The following EPB41L3 variants were observed in gnomAD, a reference collection of about 807,000 sequenced individuals.
The protein encoded by EPB41L3 is erythrocyte membrane protein band 4.1 like 3, also known as band 4.1-like protein 3.
EPB41L3 carries 57 observed loss-of-function variants against 127.1 expected under a neutral mutation model. The ratio of observed to expected loss-of-function variants is 0.45; its 90% CI spans 0.36 to 0.56. The LOEUF is 0.56. EPB41L3 is among the 20% of genes least tolerant of loss of function. The probability of loss-of-function intolerance (pLI) is 0.00; values close to 1 mark genes in which losing one functional copy is unlikely to be tolerated. For synonymous variants in EPB41L3, 572 were observed against 549.5 expected (o/e 1.04, Z -0.57); for missense variants, 1,273 against 1,372.2 (o/e 0.93, Z 1.14).
chr18:5,424,234 G>A, intron 10 of EPB41L3, 28 bp downstream of exon 10: 1 of 1,473,260 alleles, frequency 6.8e-7, no homozygotes, highest in Non-Finnish European at 9.2e-7. Flanking sequence ...TTATTCCTTA[G>A]GGAAAAAACA....
chr18:5,457,215 A>G (rs1019896544), intron 3 of EPB41L3, among the ~76,000 whole-genome samples: 8 of 138,790 alleles, frequency 5.8e-5, no homozygotes, highest in African/African-American at 2.0e-4. Flanking sequence ...GGAAAATCGC[A>G]AACATTCTAT....
At chr18:5,553,450 T>A (rs1374283075) in intron 3 of EPB41L3, among the ~76,000 whole-genome samples, 4 of 152,216 alleles carry the variant, frequency 2.6e-5, no homozygotes, top group African/African-American at 2.4e-5. Context: ...TTAACCATGA[T>A]GCTAAACTGC....
intron 2 of EPB41L3, among the ~76,000 whole-genome samples, chr18:5,614,032 C>T (rs8082912): frequency 0.092 from 14,032 of 152,144 alleles, 829 homozygotes; most frequent in South Asian, 0.26. Context: ...CAGTTGAGAA[C>T]TAATAATCTA....
intron 3 of EPB41L3, among the ~76,000 whole-genome samples, chr18:5,576,495 G>C (rs910771492): frequency 2.6e-5 from 4 of 152,256 alleles, no homozygotes; most frequent in East Asian, 1.9e-4. Context: ...TTCAACAAAA[G>C]AGCCTAATGA....
At chr18:5,497,604 G>A (rs750815964) in intron 1 of EPB41L3, among the ~76,000 whole-genome samples, 9 of 152,130 alleles carry the variant, frequency 5.9e-5, no homozygotes, top group Non-Finnish European at 1.0e-4. Context: ...ACAAACAAGC[G>A]TCAAGTTTCA....
intron 6 of EPB41L3, among the ~76,000 whole-genome samples, chr18:5,437,699 G>A (rs913294407): frequency 2.6e-5 from 4 of 152,172 alleles, no homozygotes; most frequent in African/African-American, 9.7e-5. Context: ...TTTACTCTAA[G>A]TATTAAAGCA....
At chr18:5,430,555 ATCTTTTTTTTTT>A (rs2078854378) in intron 8 of EPB41L3, among the ~76,000 whole-genome samples, 1 of 149,084 alleles carries the variant, frequency 6.7e-6, no homozygotes, top group Admixed American at 6.8e-5. Context: ...AGTTTGAGAA[ATCTTTTTTTTTT>A]TCTTTTTTTT....
intron 3 of EPB41L3, among the ~76,000 whole-genome samples, chr18:5,474,002 C>T (rs563552659): frequency 2.4e-4 from 37 of 152,120 alleles, no homozygotes; most frequent in Non-Finnish European, 4.1e-4. Context: ...GAGGCCGAGA[C>T]GGGTGGATCA....
chr18:5,416,635 G>T (rs2076861372), intron 12 of EPB41L3, among the ~76,000 whole-genome samples: 1 of 152,070 alleles, frequency 6.6e-6, no homozygotes, highest in Non-Finnish European at 1.5e-5. Context: ...AGGTATTTGT[G>T]GGCAATCCCA....
intron 3 of EPB41L3, among the ~76,000 whole-genome samples, chr18:5,461,463 C>T (rs1180255594): frequency 1.3e-5 from 2 of 152,186 alleles, no homozygotes; most frequent in African/African-American, 4.8e-5. Flanking sequence ...TCCAAATGTA[C>T]ATACATGTTA....
At position 5,534,495 on chromosome 18, in the gene EPB41L3, T is replaced by C. The variant is rs116030836; in HGVS notation, c.-12+9418A>G. 4.0e-3 allele frequency among the ~76,000 whole-genome samples: 610 copies of C among 152,332 alleles called. 8 individuals are homozygous for C. The highest frequency in any genetic ancestry group is 0.014 in the African/African-American group (573 of 41,574). On this transcript the variant is annotated intron_variant, in intron 1 of 22. Coordinates refer to ENST00000341928, the MANE Select transcript of EPB41L3 (RefSeq NM_012307.5). ...TTGGTCCCCAAAAATTCCTTTTTAA[T>C]AAACTCATCAGGTAATTCTGTTGTA...
intron 1 of EPB41L3, among the ~76,000 whole-genome samples, chr18:5,501,214 T>C (rs928220844): frequency 2.6e-5 from 4 of 152,212 alleles, no homozygotes; most frequent in African/African-American, 2.4e-5. Context: ...ATTGTTTCTA[T>C]TTAATACTTA....
chr18:5,488,378 C>T (rs982395473), intron 2 of EPB41L3, among the ~76,000 whole-genome samples: 12 of 150,566 alleles, frequency 8.0e-5, no homozygotes, highest in African/African-American at 1.7e-4. Context: ...AACACATGGA[C>T]GTAGGGAGGG....
chr18:5,405,161 C>T (rs1235128748), intron 16 of EPB41L3, among the ~76,000 whole-genome samples: 1 of 152,128 alleles, frequency 6.6e-6, no homozygotes, highest in East Asian at 1.9e-4. Flanking sequence ...TGATAAACAG[C>T]TTTCAAAGGT....
chr18:5,433,772 T>C (rs1279590041), intron 7 of EPB41L3, 131 bp downstream of exon 7: 1 of 1,049,288 alleles, frequency 9.5e-7, no homozygotes, highest in South Asian at 1.5e-5. Flanking sequence ...AGAATTTTAC[T>C]GTGCATGGAC....
intron 3 of EPB41L3, among the ~76,000 whole-genome samples, chr18:5,578,232 G>A (rs948257147): frequency 6.6e-6 from 1 of 152,122 alleles, no homozygotes; most frequent in Non-Finnish European, 1.5e-5. Flanking sequence ...AGTCAACTCA[G>A]TGAACATTGT....
intron 3 of EPB41L3, among the ~76,000 whole-genome samples, chr18:5,566,752 CT>C (rs2094207320): frequency 7.3e-6 from 1 of 137,784 alleles, no homozygotes; most frequent in East Asian, 2.3e-4. Flanking sequence ...CTATTCTATT[CT>C]ATTCTATTCT....
At chr18:5,439,483 G>A (rs1434209307) in intron 5 of EPB41L3, among the ~76,000 whole-genome samples, 2 of 152,126 alleles carry the variant, frequency 1.3e-5, no homozygotes, top group Admixed American at 6.5e-5. Context: ...GTCATAAATG[G>A]CATAGATCCA....
At chr18:5,609,789 G>C (rs757839466) in intron 3 of EPB41L3, among the ~76,000 whole-genome samples, 2 of 126,292 alleles carry the variant, frequency 1.6e-5, no homozygotes, top group African/African-American at 5.1e-5. Flanking sequence ...AAGAGTCTTA[G>C]AAAACACAGT....
Sources: gnomAD v4.1 joint callset for allele counts (sites outside exome capture counted in the v4.1 genomes callset) on GRCh38, gnomAD v4.1.1 for gene constraint, MANE v1.5 for transcripts, NCBI Gene and HGNC (gene_info 2026-07-23, HGNC 2026-07-21) for gene names.